Variants in CDH19 observed in about 807,000 individuals in gnomAD.
The protein encoded by CDH19 is cadherin 19, also known as cadherin-19.
Under a neutral mutation model 64.2 loss-of-function variants are expected in CDH19, and 67 were observed. The observed-to-expected ratio is 1.04, with a 90% CI of 0.86 to 1.28. The LOEUF (loss-of-function observed/expected upper bound fraction) is 1.28. Ranked by LOEUF, CDH19 falls within the 50% of genes most tolerant of loss-of-function variation. The pLI is 0.00. For synonymous variants in CDH19, 346 were observed against 319.3 expected, an observed-to-expected ratio of 1.08 and a Z score of -0.89; for missense variants, 1,030 against 929.0, an observed-to-expected ratio of 1.11 and a Z score of -1.41.
chr18:66,569,722 GAGA>G (rs1464643701), intron 2 of CDH19, among the ~76,000 whole-genome samples: 3 of 151,648 alleles, frequency 2.0e-5, no homozygotes, highest in Non-Finnish European at 4.4e-5. Context: ...TTGTATGTAA[GAGA>G]AGAATGTCAT....
chr18:66,550,144 A>C (rs921744405), intron 5 of CDH19, among the ~76,000 whole-genome samples: 1 of 152,124 alleles, frequency 6.6e-6, no homozygotes, highest in African/African-American at 2.4e-5. Flanking sequence ...CATGATAATT[A>C]CTTATGCTTT....
At chr18:66,509,668 T>C (rs1985377234) in intron 10 of CDH19, among the ~76,000 whole-genome samples, 1 of 151,686 alleles carries the variant, frequency 6.6e-6, no homozygotes, top group African/African-American at 2.4e-5. Flanking sequence ...ATATGAAATA[T>C]AAGCTGATTG....
In CDH19 at chr18:66,572,183, G is replaced by A. The variant is rs368840152; in HGVS notation, c.22C>T (p.Arg8Cys). The change falls in exon 2 of 12, where the codon CGT (arginine) becomes TGT (cysteine). Residue 8 changes from arginine (R) to cysteine (C), a missense_variant. Coordinates refer to ENST00000262150, the MANE Select transcript of CDH19 (RefSeq NM_021153.4). MNCYLLL[R>C]FMLGIPLLWP... is the part of the protein sequence containing the mutation. ...AGGAGAGGAATTCCCAACATAAAAC[G>A]CAGCAGTAAATAACAGTTCATTGCG... is the stretch of plus-strand genomic sequence containing the variant. The A allele has an allele frequency of 1.8e-5, 29 of 1,610,706 alleles. No homozygotes were observed. Among genetic ancestry groups the A allele is most frequent in the Admixed American group, 1.5e-4 (9 of 59,694 alleles).
chr18:66,603,680 T>A (rs559581655), intron 1 of CDH19, among the ~76,000 whole-genome samples: 1 of 152,180 alleles, frequency 6.6e-6, no homozygotes, highest in South Asian at 2.1e-4. Context: ...GTTTTAAATA[T>A]CCTAACATAG....
intron 5 of CDH19, among the ~76,000 whole-genome samples, chr18:66,548,790 GAGAA>G (rs1987233456): frequency 6.6e-6 from 1 of 152,168 alleles, no homozygotes; most frequent in South Asian, 2.1e-4. Context: ...CTTCTCTAAA[GAGAA>G]AGGAAGAATA....
chr18:66,583,082 T>C (rs184571059), intron 1 of CDH19, among the ~76,000 whole-genome samples: 35 of 152,242 alleles, frequency 2.3e-4, no homozygotes, highest in African/African-American at 8.4e-4. Context: ...ATTGAAGATT[T>C]GCCTAAAACA....
At chr18:66,559,759 A>C (rs1987652398) in intron 3 of CDH19, among the ~76,000 whole-genome samples, 1 of 151,260 alleles carries the variant, frequency 6.6e-6, no homozygotes, top group African/African-American at 2.4e-5. Context: ...GAAAAGAAAT[A>C]AAATATTCAG....
intron 1 of CDH19, among the ~76,000 whole-genome samples, chr18:66,582,235 C>T (rs368601632): frequency 1.3e-5 from 2 of 151,710 alleles, no homozygotes; most frequent in Admixed American, 6.6e-5. Flanking sequence ...TTCTTGAGGT[C>T]AAGTAAAAAA....
intron 1 of CDH19, among the ~76,000 whole-genome samples, chr18:66,602,687 A>T (rs2144652754): frequency 6.6e-6 from 1 of 152,016 alleles, no homozygotes; most frequent in South Asian, 2.1e-4. Flanking sequence ...GTTCACTGTT[A>T]TAAAGGCTTG....
intron 3 of CDH19, among the ~76,000 whole-genome samples, chr18:66,556,198 T>C (rs1281031701): frequency 3.3e-5 from 5 of 151,706 alleles, no homozygotes; most frequent in African/African-American, 1.2e-4. Flanking sequence ...GTTATGCATA[T>C]AGATAGTAAC....
At chr18:66,518,882 C>T (rs999941213) in intron 9 of CDH19, among the ~76,000 whole-genome samples, 9 of 151,560 alleles carry the variant, frequency 5.9e-5, no homozygotes, top group East Asian at 1.9e-4. Flanking sequence ...TTTTAAAAAC[C>T]TGCATTTTGA....
intron 3 of CDH19, among the ~76,000 whole-genome samples, chr18:66,559,798 G>A (rs1200374076): frequency 6.6e-6 from 1 of 151,264 alleles, no homozygotes; most frequent in Non-Finnish European, 1.5e-5. Context: ...TGTAACCTCT[G>A]CAAAACAACT....
At chr18:66,558,847 A>G (rs1389835076) in intron 3 of CDH19, among the ~76,000 whole-genome samples, 2 of 152,018 alleles carry the variant, frequency 1.3e-5, no homozygotes, top group African/African-American at 4.8e-5. Flanking sequence ...TTTTATAAGA[A>G]CATATGTAAG....
At chr18:66,571,945 A>G in intron 2 of CDH19, 65 bp downstream of exon 2, 1 of 1,238,464 alleles carries the variant, frequency 8.1e-7, no homozygotes, top group Non-Finnish European at 1.1e-6. Flanking sequence ...AAATCTCCAA[A>G]CTTCTCCAAC....
chr18:66,510,682 G>C (rs989955019), intron 10 of CDH19, among the ~76,000 whole-genome samples: 5 of 150,472 alleles, frequency 3.3e-5, no homozygotes, highest in African/African-American at 1.2e-4. Context: ...TTGTGGAAAG[G>C]AGTCTGGAGA....
intron 11 of CDH19, among the ~76,000 whole-genome samples, chr18:66,505,677 G>A (rs1253926879): frequency 6.6e-6 from 1 of 150,718 alleles, no homozygotes; most frequent in Non-Finnish European, 1.5e-5. Context: ...ATAAAACTTT[G>A]CAACCTGAAT....
At chr18:66,534,049 G>T (rs989740535) in intron 8 of CDH19, among the ~76,000 whole-genome samples, 3 of 151,404 alleles carry the variant, frequency 2.0e-5, no homozygotes, top group African/African-American at 7.3e-5. Flanking sequence ...ATGAAAATTT[G>T]TTATCCAGTG....
At chr18:66,585,258 A>G (rs1225921959) in intron 1 of CDH19, among the ~76,000 whole-genome samples, 1 of 152,096 alleles carries the variant, frequency 6.6e-6, no homozygotes, top group Non-Finnish European at 1.5e-5. Context: ...TTGATTTTAT[A>G]TAAATAAATG....
At chr18:66,599,686 C>G (rs1252409590) in intron 1 of CDH19, among the ~76,000 whole-genome samples, 1 of 151,884 alleles carries the variant, frequency 6.6e-6, no homozygotes, top group African/African-American at 2.4e-5. Flanking sequence ...TATAAATTGT[C>G]AATTTTCAAT....
Sources: gnomAD v4.1 joint callset for allele counts (sites outside exome capture counted in the v4.1 genomes callset) on GRCh38, gnomAD v4.1.1 for gene constraint, MANE v1.5 for transcripts, NCBI Gene and HGNC (gene_info 2026-07-23, HGNC 2026-07-21) for gene names.